Variants in ZNF69 observed in about 807,000 individuals in gnomAD.
ZNF69 encodes ZNF3.
ZNF69 carries 47 observed loss-of-function variants against 50.9 expected under a neutral mutation model. The ratio of observed to expected loss-of-function variants is 0.92; its 90% CI spans 0.73 to 1.18. ZNF69 has a LOEUF of 1.18. Among genes scored for constraint, ZNF69 ranks in the 50% most tolerant of loss-of-function variants. The pLI, the probability that ZNF69 is intolerant of heterozygous loss-of-function variation, is 0.00. For missense variants in ZNF69, 717 were observed against 675.1 expected (o/e 1.06, Z -0.69); for synonymous variants, 216 against 223.1 (o/e 0.97, Z 0.29).
downstream of ZNF69, among the ~76,000 whole-genome samples, chr19:11,915,377 A>G (rs1052121043): frequency 7.2e-5 from 11 of 152,248 alleles, no homozygotes; most frequent in African/African-American, 2.7e-4. Context: ...GGAATGGCCA[A>G]TGACAATGAC....
In ZNF69 at chr19:11,905,795, AACAC is replaced by A. The variant is rs757682379; in HGVS notation, c.1401_1404del (p.His468Ter). On this transcript the variant is annotated frameshift_variant, in exon 4 of 4. Transcript: ENST00000429654. LOFTEE classifies it high-confidence loss of function. Reference sequence around the variant, plus strand: ...ACCTTCAAAGTCATGAAAGGACACAAACACACGTAAGAATACACTCTGGAGAAAG... The same window carrying A: ...ACCTTCAAAGTCATGAAAGGACACAAACGTAAGAATACACTCTGGAGAAAG... The A allele has an allele frequency of 1.9e-6, 3 of 1,612,968 alleles. No homozygotes were observed. Among genetic ancestry groups the A allele is most frequent in the Admixed American group, 1.7e-5 (1 of 59,916 alleles).
At chr19:11,923,752 A>G in the ZNF69 span, among the ~76,000 whole-genome samples, 1 of 152,164 alleles carries the variant, frequency 6.6e-6, no homozygotes, top group African/African-American at 2.4e-5. Context: ...TATTTACACA[A>G]TGGGATTGAA....
downstream of ZNF69, among the ~76,000 whole-genome samples, chr19:11,909,051 G>C (rs1972420171): frequency 6.6e-6 from 1 of 152,022 alleles, no homozygotes; most frequent in African/African-American, 2.4e-5. Context: ...TACCTCTATG[G>C]AAATAAACTA....
At chr19:11,901,196 T>C (rs1460672131) in intron 1 of ZNF69, among the ~76,000 whole-genome samples, 1 of 152,208 alleles carries the variant, frequency 6.6e-6, no homozygotes, top group Non-Finnish European at 1.5e-5. Context: ...TTAGTACATG[T>C]CTTTATAGTA....
At chr19:11,971,157 G>C in the ZNF69 span, among the ~76,000 whole-genome samples, 1 of 152,132 alleles carries the variant, frequency 6.6e-6, no homozygotes, top group Non-Finnish European at 1.5e-5. Context: ...ATTTGTTTCT[G>C]ACAGTTCTTG....
At chr19:11,896,841 A>G (rs1972133876) in intron 1 of ZNF69, among the ~76,000 whole-genome samples, 1 of 152,176 alleles carries the variant, frequency 6.6e-6, no homozygotes, top group South Asian at 2.1e-4. Flanking sequence ...AGTGAAAAAA[A>G]CAAACTGCCT....
the ZNF69 span, chr19:11,977,318 T>C: frequency 6.2e-7 from 1 of 1,605,636 alleles, no homozygotes; most frequent in Non-Finnish European, 8.5e-7. Context: ...ATCTAATAAT[T>C]TTTTCACAGT....
At chr19:11,944,419 T>C in the ZNF69 span, among the ~76,000 whole-genome samples, 1 of 152,188 alleles carries the variant, frequency 6.6e-6, no homozygotes, top group Non-Finnish European at 1.5e-5. Context: ...ACTCCACCTT[T>C]CCGGAACTCT....
At chr19:11,947,738 G>T in the ZNF69 span, among the ~76,000 whole-genome samples, 1 of 152,154 alleles carries the variant, frequency 6.6e-6, no homozygotes, top group Admixed American at 6.6e-5. Flanking sequence ...GAGGCTGAGG[G>T]CTCACTCCTG....
the ZNF69 span, among the ~76,000 whole-genome samples, chr19:11,953,548 G>A: frequency 6.6e-6 from 1 of 152,184 alleles, no homozygotes; most frequent in Admixed American, 6.5e-5. Context: ...TTAGAAATAA[G>A]TTATTTTAGC....
At chr19:11,901,766 G>A (rs1972248850) in intron 1 of ZNF69, among the ~76,000 whole-genome samples, 1 of 151,646 alleles carries the variant, frequency 6.6e-6, no homozygotes, top group African/African-American at 2.4e-5. Flanking sequence ...TTACAGGCAT[G>A]AGCCACCATG....
chr19:11,956,363 T>TA, the ZNF69 span: 1 of 381,558 alleles, frequency 2.6e-6, no homozygotes, highest in Non-Finnish European at 4.6e-6. Context: ...CTCAATATGT[T>TA]TATTGAGTGA....
At chr19:11,932,706 C>T in the ZNF69 span, among the ~76,000 whole-genome samples, 7 of 140,942 alleles carry the variant, frequency 5.0e-5, 1 homozygote, top group African/African-American at 1.7e-4. Flanking sequence ...GGCGTGATCT[C>T]GGCTCACTGC....
the ZNF69 span, among the ~76,000 whole-genome samples, chr19:11,943,564 C>T: frequency 3.3e-5 from 5 of 152,040 alleles, no homozygotes; most frequent in African/African-American, 9.7e-5. Flanking sequence ...ATTTCAAAGA[C>T]TGTGATCATG....
rs543545013 is a variant in ZNF69, at chr19:11,893,224, T to G, written c.63+5238T>G. 2.0e-5 allele frequency among the ~76,000 whole-genome samples: 3 copies of G among 152,332 alleles called. No homozygotes were observed. The East Asian group carries it at 5.8e-4, about 29-fold the overall frequency. ...GCATAAATTTTGTTTCCCTATAGAT[T>G]AATAATTTTGAAGAGTTGTATTTAA... On this transcript the variant is annotated intron_variant, in intron 1 of 3. Transcript: ENST00000429654.
intron 1 of ZNF69, among the ~76,000 whole-genome samples, chr19:11,889,936 G>C (rs1014248263): frequency 2.0e-5 from 3 of 152,290 alleles, no homozygotes; most frequent in Middle Eastern, 3.4e-3. Context: ...GTGCCTGGAT[G>C]TGCAGGTAGG....
At chr19:11,961,515 T>G in the ZNF69 span, 1 of 152,260 alleles carries the variant, frequency 6.6e-6, no homozygotes, top group South Asian at 2.1e-4. Flanking sequence ...TCTCCAAATT[T>G]TCTGCTTTTC....
the ZNF69 span, among the ~76,000 whole-genome samples, chr19:11,933,360 A>G: frequency 2.7e-5 from 4 of 148,380 alleles, no homozygotes; most frequent in Non-Finnish European, 4.4e-5. Flanking sequence ...AAATTGAAGA[A>G]GCCAATATTA....
At chr19:11,931,397 T>C in the ZNF69 span, among the ~76,000 whole-genome samples, 1 of 148,084 alleles carries the variant, frequency 6.8e-6, no homozygotes, top group Non-Finnish European at 1.5e-5. Context: ...AGAAAGGATT[T>C]ACTCCTATGC....
Sources: allele counts gnomAD v4.1 joint callset (sites outside exome capture counted in the v4.1 genomes callset), GRCh38; gene constraint gnomAD v4.1.1; transcripts MANE v1.5; gene names NCBI Gene and HGNC (gene_info 2026-07-23, HGNC 2026-07-21).